PTPRG: variants seen among roughly 807,000 people sequenced by gnomAD.
The protein encoded by PTPRG is protein tyrosine phosphatase receptor type G, also known as receptor-type tyrosine-protein phosphatase gamma.
PTPRG carries 102 observed loss-of-function variants against 165.3 expected under a neutral mutation model. The ratio of observed to expected loss-of-function variants is 0.62; its 90% CI spans 0.53 to 0.73. The LOEUF is 0.73. Among genes scored for constraint, PTPRG ranks in the 30% least tolerant of loss-of-function variants. PTPRG has a pLI of 0.00. For missense variants in PTPRG, 1,866 were observed against 1,861.4 expected (o/e 1.00, Z -0.05); for synonymous variants, 675 against 669.5 (o/e 1.01, Z -0.13).
At chr3:61,696,727 T>A (rs372288507) in intron 1 of PTPRG, among the ~76,000 whole-genome samples, 7 of 152,330 alleles carry the variant, frequency 4.6e-5, no homozygotes, top group African/African-American at 1.7e-4. Context: ...CTAGCTTTTT[T>A]CAATGGAGAA....
chr3:62,201,647 T>A, intron 11 of PTPRG, 93 bp downstream of exon 11: 1 of 1,235,276 alleles, frequency 8.1e-7, no homozygotes, highest in Non-Finnish European at 1.2e-6. Context: ...ATAATGTTGT[T>A]AAACTGCTCA....
intron 2 of PTPRG, among the ~76,000 whole-genome samples, chr3:61,836,933 T>C (rs1268246615): frequency 1.3e-5 from 2 of 149,326 alleles, no homozygotes; most frequent in African/African-American, 4.9e-5. Flanking sequence ...TCTTTTGAGA[T>C]GGAGTCTTGC....
intron 1 of PTPRG, among the ~76,000 whole-genome samples, chr3:61,667,646 C>G (rs1036069592): frequency 1.3e-5 from 2 of 152,134 alleles, no homozygotes; most frequent in South Asian, 2.1e-4. Context: ...GAATTACCGG[C>G]TAATAAATGT....
At chr3:62,272,033 T>C (rs989602336) in intron 21 of PTPRG, among the ~76,000 whole-genome samples, 12 of 152,030 alleles carry the variant, frequency 7.9e-5, no homozygotes, top group Admixed American at 1.3e-4. Flanking sequence ...AGGTCAAGGC[T>C]GCAGTGGGCT....
At chr3:62,078,045 A>G in intron 4 of PTPRG, 118 bp from the exon 5 acceptor site, 1 of 683,074 alleles carries the variant, frequency 1.5e-6, no homozygotes, top group East Asian at 3.0e-5. Context: ...TGAACAGGTG[A>G]ATAAATTTGG....
chr3:61,979,615 G>A (rs1170772646), intron 2 of PTPRG, among the ~76,000 whole-genome samples: 2 of 152,292 alleles, frequency 1.3e-5, no homozygotes, highest in Admixed American at 1.3e-4. Flanking sequence ...TTTACTGGAA[G>A]TTACTTACAC....
intron 12 of PTPRG, among the ~76,000 whole-genome samples, chr3:62,211,610 C>T (rs1013608904): frequency 2.0e-5 from 3 of 152,028 alleles, no homozygotes; most frequent in African/African-American, 4.8e-5. Flanking sequence ...AAATTCCCCA[C>T]GATGGAAACA....
At chr3:62,099,957 C>A (rs552868320) in intron 5 of PTPRG, among the ~76,000 whole-genome samples, 3 of 152,006 alleles carry the variant, frequency 2.0e-5, no homozygotes, top group East Asian at 3.9e-4. Context: ...CACCACCAAG[C>A]CCGGCTAATT....
At chr3:62,091,859 T>A (rs1276352218) in intron 5 of PTPRG, among the ~76,000 whole-genome samples, 1 of 152,010 alleles carries the variant, frequency 6.6e-6, no homozygotes, top group East Asian at 1.9e-4. Context: ...ACTCTTGAGT[T>A]CCCCATGGTC....
intron 1 of PTPRG, among the ~76,000 whole-genome samples, chr3:61,616,920 C>A (rs530186906): frequency 6.6e-6 from 1 of 152,276 alleles, no homozygotes; most frequent in South Asian, 2.1e-4. Context: ...GTTGACTTTC[C>A]ACCATCGATG....
intron 2 of PTPRG, among the ~76,000 whole-genome samples, chr3:61,947,065 G>C (rs1056130600): frequency 1.3e-5 from 2 of 152,150 alleles, no homozygotes; most frequent in East Asian, 3.8e-4. Flanking sequence ...AAGGCCCATC[G>C]TTCTTTTAAC....
At chr3:62,241,593 C>T (rs1254252901) in intron 14 of PTPRG, among the ~76,000 whole-genome samples, 1 of 151,928 alleles carries the variant, frequency 6.6e-6, no homozygotes. Flanking sequence ...GCCTGTAGTT[C>T]CACATATAAC....
chr3:61,950,024 G>A (rs1294921852), intron 2 of PTPRG, among the ~76,000 whole-genome samples: 2 of 152,154 alleles, frequency 1.3e-5, no homozygotes, highest in African/African-American at 4.8e-5. Context: ...GGGATTACAG[G>A]CATGAGCCAC....
At chr3:62,077,959 C>T (rs1288495368) in intron 4 of PTPRG, among the ~76,000 whole-genome samples, 1 of 146,750 alleles carries the variant, frequency 6.8e-6, no homozygotes, top group Non-Finnish European at 1.5e-5. Context: ...GATTGAGTCA[C>T]TGCAGTCCAG....
intron 2 of PTPRG, among the ~76,000 whole-genome samples, chr3:61,768,786 C>T (rs909239954): frequency 2.0e-5 from 3 of 151,642 alleles, no homozygotes; most frequent in Admixed American, 6.6e-5. Flanking sequence ...TGTGTTTGCC[C>T]AGGGAAGAGG....
intron 5 of PTPRG, among the ~76,000 whole-genome samples, chr3:62,079,229 T>C (rs932931704): frequency 6.6e-6 from 1 of 152,192 alleles, no homozygotes; most frequent in African/African-American, 2.4e-5. Context: ...GACAGTTTTC[T>C]CCCTTTTAAC....
intron 5 of PTPRG, among the ~76,000 whole-genome samples, chr3:62,109,191 G>C (rs543974018): frequency 6.6e-6 from 1 of 152,290 alleles, no homozygotes; most frequent in South Asian, 2.1e-4. Context: ...TTACATTTAA[G>C]TCTTTGATCC....
Position 61,709,324 on chromosome 3 carries a change from A to AT in PTPRG, c.86-39546dup, listed in dbSNP as rs974817821. On this transcript the variant is annotated intron_variant, in intron 1 of 29. Coordinates refer to ENST00000474889, the MANE Select transcript of PTPRG (RefSeq NM_002841.4). ...ATTTTATTTTTTATTTTATTTATTT[A>AT]TTTTTTTTGAAATGGGGTCTCGCTC... Among the ~76,000 whole-genome samples, 11 of 149,470 alleles carry AT rather than the reference A, an allele frequency of 7.4e-5. No homozygotes were observed. In the South Asian group the frequency reaches 1.3e-3, roughly 17 times the overall value.
At chr3:61,571,851 G>T (rs1700064382) in intron 1 of PTPRG, among the ~76,000 whole-genome samples, 1 of 152,176 alleles carries the variant, frequency 6.6e-6, no homozygotes. Flanking sequence ...CTTGGATTCT[G>T]CATTTTTCCT....
Sources: allele counts gnomAD v4.1 joint callset (sites outside exome capture counted in the v4.1 genomes callset), GRCh38; gene constraint gnomAD v4.1.1; transcripts MANE v1.5; gene names NCBI Gene and HGNC (gene_info 2026-07-23, HGNC 2026-07-21).